EPS8: variants seen among roughly 807,000 people sequenced by gnomAD.
EPS8 encodes the protein epidermal growth factor receptor kinase substrate 8.
EPS8 carries 42 observed loss-of-function variants against 103.8 expected under a neutral mutation model. The ratio of observed to expected loss-of-function variants is 0.40; its 90% CI spans 0.32 to 0.52. The LOEUF is 0.52. EPS8 is among the 20% of genes least tolerant of loss of function. The pLI, the probability that EPS8 is intolerant of heterozygous loss-of-function variation, is 0.40. For synonymous variants in EPS8, 344 were observed against 344.6 expected, an observed-to-expected ratio of 1.00 and a Z score of 0.02; for missense variants, 969 against 1,005.1, an observed-to-expected ratio of 0.96 and a Z score of 0.49.
rs571895103 is a variant in EPS8 at position 15,676,138 on chromosome 12, T to G, written c.136+5088A>C. Among the ~76,000 whole-genome samples, 12 of 151,408 alleles carry G rather than the reference T, an allele frequency of 7.9e-5. No individual in the cohort carries two copies. The South Asian group carries it at 2.5e-3, about 32-fold the overall frequency. ...ATACAAAAAAATTAGCCAGGCGTGG[T>G]GGCGGGCGCCTGTAGTCCCAGCTAC... On this transcript the variant is annotated intron_variant, in intron 3 of 20. Transcript: ENST00000281172.
At chr12:15,663,101 C>G (rs59022106) in intron 8 of EPS8, among the ~76,000 whole-genome samples, 2,460 of 151,756 alleles carry the variant, frequency 0.016, 63 homozygotes, top group African/African-American at 0.056. Flanking sequence ...TCTATGAAAT[C>G]TTGCCAGTTA....
At chr12:15,710,038 C>A (rs114983341) in intron 1 of EPS8, among the ~76,000 whole-genome samples, 1 of 151,966 alleles carries the variant, frequency 6.6e-6, no homozygotes, top group Non-Finnish European at 1.5e-5. Context: ...TTCTGCTGTG[C>A]GGCCCAGTTC....
At chr12:15,634,432 C>A (rs1215635711) in intron 17 of EPS8, among the ~76,000 whole-genome samples, 1 of 152,110 alleles carries the variant, frequency 6.6e-6, no homozygotes, top group Non-Finnish European at 1.5e-5. Context: ...TTTTCTTTAG[C>A]AACTTAAGCT....
intron 1 of EPS8, among the ~76,000 whole-genome samples, chr12:15,707,555 A>T (rs1008369222): frequency 2.1e-5 from 3 of 141,694 alleles, no homozygotes; most frequent in Admixed American, 7.0e-5. Context: ...TCACTACCTT[A>T]AAAAAAAAAA....
chr12:15,659,185 T>C (rs1225761302), intron 10 of EPS8, among the ~76,000 whole-genome samples: 8 of 151,954 alleles, frequency 5.3e-5, no homozygotes, highest in Non-Finnish European at 1.0e-4. Flanking sequence ...GGTTAGATTG[T>C]GGATAACCTT....
intron 1 of EPS8, among the ~76,000 whole-genome samples, chr12:15,742,925 G>A (rs750892795): frequency 7.9e-5 from 12 of 152,158 alleles, no homozygotes; most frequent in Admixed American, 1.3e-4. Flanking sequence ...AATGAGGCAC[G>A]AGAAAGAAAT....
Position 15,714,900 on chromosome 12 carries a change from C to T in EPS8, c.-21-31928G>A, listed in dbSNP as rs897844969. Among the ~76,000 whole-genome samples the T allele has an allele frequency of 1.3e-4, 20 of 152,128 alleles. No individual in the cohort carries two copies. The highest frequency in any genetic ancestry group is 4.8e-4 in the African/African-American group (20 of 41,418). ...ATTCTACATCCACTTTTGTTCTCTA[C>T]CATCTCTCAAGCTCCTGACCACTGT... On this transcript the variant is annotated intron_variant, in intron 1 of 20. Coordinates refer to ENST00000281172, the MANE Select transcript of EPS8 (RefSeq NM_004447.6). This position sits in a 1 kb window ranked among gnomAD's most constrained non-coding sequence, Gnocchi z 4.1.
At chr12:15,670,421 G>A (rs138971823) in intron 4 of EPS8, among the ~76,000 whole-genome samples, 1 of 152,192 alleles carries the variant, frequency 6.6e-6, no homozygotes, top group East Asian at 1.9e-4. Flanking sequence ...ATAAGCACAG[G>A]TCAACCAGAT....
Position 15,621,265 on chromosome 12 carries a change from A to G in EPS8, c.*52T>C. On this transcript the variant is annotated 3_prime_UTR_variant, in exon 21 of 21. Transcript: ENST00000281172. Reference sequence around the variant, plus strand: ...TTCCCTTCAAGGCTTCTTAAAACAAAGCATGTTGGAATAATGCCAAAAACA... The same window carrying G: ...TTCCCTTCAAGGCTTCTTAAAACAAGGCATGTTGGAATAATGCCAAAAACA... The G allele has an allele frequency of 1.1e-6, 1 of 912,922 alleles. No individual in the cohort carries two copies. Among genetic ancestry groups the G allele is most frequent in the Non-Finnish European group, 1.7e-6 (1 of 599,018 alleles). The allele number at this position is 912,922 out of a possible 1,614,324, so 56.6% of individuals were successfully genotyped here.
At chr12:15,741,756 A>G (rs1031270298) in intron 1 of EPS8, among the ~76,000 whole-genome samples, 10 of 152,148 alleles carry the variant, frequency 6.6e-5, no homozygotes, top group Admixed American at 1.3e-4. Flanking sequence ...GTACATGTGC[A>G]CAACGTGCAG....
At chr12:15,666,577 T>A in intron 6 of EPS8, 55 bp from the exon 7 acceptor site, 1 of 1,289,628 alleles carries the variant, frequency 7.8e-7, no homozygotes, top group Non-Finnish European at 1.1e-6. Flanking sequence ...AGTCTTGATA[T>A]GTAGTTTAAA....
chr12:15,682,272 T>C (rs907751388), intron 2 of EPS8, among the ~76,000 whole-genome samples: 1 of 152,238 alleles, frequency 6.6e-6, no homozygotes, highest in Non-Finnish European at 1.5e-5. Context: ...GATTAAGAAT[T>C]ACATTTTATT....
chr12:15,642,029 G>T (rs1024516345), intron 15 of EPS8, among the ~76,000 whole-genome samples, 199 bp from the exon 16 acceptor site: 1 of 151,920 alleles, frequency 6.6e-6, no homozygotes, highest in Non-Finnish European at 1.5e-5. Flanking sequence ...TATGGCCAGG[G>T]ATAAAAACAA....
chr12:15,647,033 G>A, intron 15 of EPS8, 94 bp downstream of exon 15: 1 of 1,172,956 alleles, frequency 8.5e-7, no homozygotes, highest in Non-Finnish European at 1.2e-6. Flanking sequence ...AAAGTTTAAA[G>A]AAGCAGTAGA....
chr12:15,695,467 G>C lies in EPS8; in HGVS notation c.-21-12495C>G, dbSNP rs150135948. Among the ~76,000 whole-genome samples, 116 of 152,320 alleles carry C rather than the reference G, an allele frequency of 7.6e-4. 1 individual carries two copies. The highest frequency in any genetic ancestry group is 2.6e-3 in the African/African-American group (110 of 41,562). Reference sequence around the variant, plus strand: ...CTCAATACAGTAGCTGAGCACAAGTGTTGAGCACTTGAAATGTGGCTAGTG... The same window carrying C: ...CTCAATACAGTAGCTGAGCACAAGTCTTGAGCACTTGAAATGTGGCTAGTG... On this transcript the variant is annotated intron_variant, in intron 1 of 20. Transcript: ENST00000281172. This position sits in a 1 kb window ranked among gnomAD's most constrained non-coding sequence, Gnocchi z 5.0.
chr12:15,742,836 C>T (rs1946838927), intron 1 of EPS8, among the ~76,000 whole-genome samples: 1 of 152,158 alleles, frequency 6.6e-6, no homozygotes, highest in African/African-American at 2.4e-5. Context: ...GAAGCATTCC[C>T]TTTGAAAACT....
In EPS8 at chr12:15,716,103, A is replaced by G. The variant is rs901086143; in HGVS notation, c.-21-33131T>C. ...AAATTCCAACCCAACATTTCAAAGT[A>G]TCACTAAACTTGAGAGCTGAAAGAA... On this transcript the variant is annotated intron_variant, in intron 1 of 20. Coordinates refer to ENST00000281172, the MANE Select transcript of EPS8 (RefSeq NM_004447.6). This position sits in a 1 kb window ranked among gnomAD's most constrained non-coding sequence, Gnocchi z 5.0. 2.6e-5 allele frequency among the ~76,000 whole-genome samples: 4 copies of G among 152,212 alleles called. No individual in the cohort carries two copies. Among genetic ancestry groups the G allele is most frequent in the Non-Finnish European group, 5.9e-5 (4 of 68,044 alleles).
In EPS8 at chr12:15,754,785, T is replaced by C. The variant is rs1297349808; in HGVS notation, c.-22+34376A>G. 2.6e-5 allele frequency among the ~76,000 whole-genome samples: 4 copies of C among 152,186 alleles called. No individual in the cohort carries two copies. In the East Asian group the frequency reaches 7.7e-4, roughly 29 times the overall value. On this transcript the variant is annotated intron_variant, in intron 1 of 20. Transcript: ENST00000281172. Reference sequence around the variant, plus strand: ...AGCTTACAAAATTAGAACAACAATATTAGCTCTCTTTTTCCCCCAAGTGTT... The same window carrying C: ...AGCTTACAAAATTAGAACAACAATACTAGCTCTCTTTTTCCCCCAAGTGTT...
intron 20 of EPS8, 35 bp from the exon 21 acceptor site, chr12:15,621,465 G>A: frequency 1.3e-5 from 15 of 1,198,960 alleles, no homozygotes; most frequent in Non-Finnish European, 1.8e-5. Flanking sequence ...GATAGTTACT[G>A]ACTTGTGCAG....
Sources: gnomAD v4.1 joint callset for allele counts (sites outside exome capture counted in the v4.1 genomes callset) on GRCh38, gnomAD v4.1.1 for gene constraint, Gnocchi (gnomAD v3.1) non-coding constraint, MANE v1.5 for transcripts, NCBI Gene and HGNC (gene_info 2026-07-23, HGNC 2026-07-21) for gene names.